FRMD4A: variants seen among roughly 807,000 people sequenced by gnomAD.
FRMD4A encodes FERM domain containing 4A, also known as FERM domain-containing protein 4A.
In FRMD4A, 29 loss-of-function variants were observed where a neutral mutation model predicts 129.1. The ratio of observed to expected loss-of-function variants is 0.22; its 90% confidence interval spans 0.17 to 0.31. FRMD4A has a LOEUF of 0.31. Ranked by LOEUF, FRMD4A falls within the 10% of genes least tolerant of loss-of-function variation. The probability of loss-of-function intolerance (pLI) is 1.00; values close to 1 mark genes in which losing one functional copy is unlikely to be tolerated. For missense variants in FRMD4A, 1,272 were observed against 1,375.8 expected, an observed-to-expected ratio of 0.92 and a Z score of 1.19; for synonymous variants, 634 against 571.6, an observed-to-expected ratio of 1.11 and a Z score of -1.56.
rs556233219 is a variant in FRMD4A, at chr10:14,052,577, A to G, written c.46-193665T>C. 1.3e-3 allele frequency among the ~76,000 whole-genome samples: 193 copies of G among 152,098 alleles called. 1 individual carries two copies. Among genetic ancestry groups the G allele is most frequent in the African/African-American group, 4.4e-3 (184 of 41,490 alleles). Reference sequence around the variant, plus strand: ...CAGGCTCTTTTCTTTTTGTTTTTTGAGACAGAGTCTCACTCTGGTCACCCA... The same window carrying G: ...CAGGCTCTTTTCTTTTTGTTTTTTGGGACAGAGTCTCACTCTGGTCACCCA... On this transcript the variant is annotated intron_variant, in intron 2 of 24. Transcript: ENST00000357447.
chr10:14,049,824 C>A (rs1834174039), intron 2 of FRMD4A, among the ~76,000 whole-genome samples: 1 of 152,170 alleles, frequency 6.6e-6, no homozygotes, highest in Non-Finnish European at 1.5e-5. Context: ...CACTGCACTC[C>A]AGCCTGGGCA....
Position 14,327,150 on chromosome 10 carries a change from T to C in FRMD4A, c.45+2908A>G, listed in dbSNP as rs41291339. On this transcript the variant is annotated intron_variant, in intron 2 of 24. Transcript: ENST00000357447. Reference sequence around the variant, plus strand: ...CCTCTGAGACACTGTTCAAAAGTCATTGGCTTTTGTCCAATGGACCAACTT... The same window carrying C: ...CCTCTGAGACACTGTTCAAAAGTCACTGGCTTTTGTCCAATGGACCAACTT... Among the ~76,000 whole-genome samples the C allele has an allele frequency of 5.3e-3, 814 of 152,364 alleles. 5 individuals are homozygous for C. The highest frequency in any genetic ancestry group is 8.2e-3 in the Non-Finnish European group (559 of 68,034).
chr10:13,951,435 G>A (rs1432796240), intron 2 of FRMD4A, among the ~76,000 whole-genome samples: 5 of 152,122 alleles, frequency 3.3e-5, no homozygotes, highest in Admixed American at 2.0e-4. Flanking sequence ...ACTACAGAGG[G>A]AGATATTGAA....
intron 2 of FRMD4A, among the ~76,000 whole-genome samples, chr10:14,110,807 T>C (rs972620909): frequency 3.9e-5 from 6 of 152,156 alleles, no homozygotes; most frequent in African/African-American, 1.4e-4. Context: ...TATTTAAATT[T>C]TTTAGTTCTG....
intron 2 of FRMD4A, among the ~76,000 whole-genome samples, chr10:13,936,461 T>C (rs113565343): frequency 7.9e-5 from 12 of 152,244 alleles, no homozygotes; most frequent in African/African-American, 2.6e-4. Context: ...GGTGATGATA[T>C]TAGGATGGAG....
chr10:14,134,322 T>C (rs1053564691), intron 2 of FRMD4A, among the ~76,000 whole-genome samples: 23 of 150,536 alleles, frequency 1.5e-4, no homozygotes, highest in African/African-American at 5.6e-4. Flanking sequence ...AATGGGTGGA[T>C]AGATGTATGG....
At chr10:13,768,077 G>GGTGT (rs1304011761) in intron 6 of FRMD4A, among the ~76,000 whole-genome samples, 10 of 110,658 alleles carry the variant, frequency 9.0e-5, no homozygotes, top group Non-Finnish European at 1.0e-4. Flanking sequence ...ACCGTCTGCA[G>GGTGT]GTATGTGTGT....
At chr10:13,913,599 C>G (rs2094966597) in intron 2 of FRMD4A, among the ~76,000 whole-genome samples, 1 of 152,168 alleles carries the variant, frequency 6.6e-6, no homozygotes, top group African/African-American at 2.4e-5. Flanking sequence ...TCTCCTGAGG[C>G]ACGTGATCCG....
intron 12 of FRMD4A, among the ~76,000 whole-genome samples, chr10:13,726,723 A>C (rs920513355): frequency 6.6e-6 from 1 of 151,010 alleles, no homozygotes. Flanking sequence ...TGCAGCCTCA[A>C]CCTCCTCAAG....
At chr10:13,769,353 G>A (rs1272711319) in intron 6 of FRMD4A, among the ~76,000 whole-genome samples, 2 of 151,882 alleles carry the variant, frequency 1.3e-5, no homozygotes, top group African/African-American at 4.8e-5. Flanking sequence ...CTGTCACCCA[G>A]GCTGGAGTGC....
intron 14 of FRMD4A, among the ~76,000 whole-genome samples, chr10:13,699,224 G>GTTTTTTTTTTTTTTTT (rs1168489802): frequency 2.5e-4 from 19 of 76,264 alleles, no homozygotes; most frequent in East Asian, 1.0e-3. Context: ...CTTGGTTATT[G>GTTTTTTTTTTTTTTTT]TTTTTTTTTT....
intron 22 of FRMD4A, 34 bp downstream of exon 22, chr10:13,656,602 G>A (rs1316421308): frequency 2.9e-6 from 4 of 1,365,762 alleles, no homozygotes; most frequent in Admixed American, 2.9e-5. Flanking sequence ...TCGCCCTCAG[G>A]TCTTCCCGCG....
At chr10:14,127,898 A>C (rs1327688939) in intron 2 of FRMD4A, among the ~76,000 whole-genome samples, 1 of 149,570 alleles carries the variant, frequency 6.7e-6, no homozygotes, top group African/African-American at 2.5e-5. Flanking sequence ...CCCCATATTT[A>C]TATTTTGCTT....
At chr10:13,971,255 T>C (rs2095516488) in intron 2 of FRMD4A, among the ~76,000 whole-genome samples, 1 of 152,202 alleles carries the variant, frequency 6.6e-6, no homozygotes, top group South Asian at 2.1e-4. Context: ...AGCGTGGATT[T>C]GTGGAAAGAA....
intron 2 of FRMD4A, among the ~76,000 whole-genome samples, chr10:13,983,344 T>C (rs972716951): frequency 1.2e-4 from 18 of 151,666 alleles, no homozygotes; most frequent in African/African-American, 4.4e-4. Flanking sequence ...AGCCAGGAGC[T>C]GGGAAATGAC....
At chr10:14,283,097 C>A (rs963611591) in intron 2 of FRMD4A, among the ~76,000 whole-genome samples, 1 of 152,210 alleles carries the variant, frequency 6.6e-6, no homozygotes, top group African/African-American at 2.4e-5. Context: ...CAGGCATCAG[C>A]CTGAAGCTTA....
chr10:13,758,224 G>C (rs572461383), intron 8 of FRMD4A, among the ~76,000 whole-genome samples: 1 of 152,312 alleles, frequency 6.6e-6, no homozygotes, highest in South Asian at 2.1e-4. Context: ...TTTAGATTCA[G>C]GACCTTTCAG....
intron 5 of FRMD4A, among the ~76,000 whole-genome samples, chr10:13,792,528 T>A (rs1176405959): frequency 6.6e-6 from 1 of 152,152 alleles, no homozygotes; most frequent in Non-Finnish European, 1.5e-5. Flanking sequence ...CTTCGTAACT[T>A]ATTAGCCATG....
At chr10:13,921,270 C>CTCTTTCTTTCTCTCTTTCTTTCTT in intron 2 of FRMD4A, among the ~76,000 whole-genome samples, 1 of 148,082 alleles carries the variant, frequency 6.8e-6, no homozygotes, top group Non-Finnish European at 1.5e-5. Context: ...CTCTCTTTCT[C>CTCTTTCTTTCTCTCTTTCTTTCTT]TCTTTCTTTC....
Sources: gnomAD v4.1 joint callset for allele counts (sites outside exome capture counted in the v4.1 genomes callset) on GRCh38, gnomAD v4.1.1 for gene constraint, MANE v1.5 for transcripts, NCBI Gene and HGNC (gene_info 2026-07-23, HGNC 2026-07-21) for gene names.